ZFC3H1: variants seen among roughly 807,000 people sequenced by gnomAD.
ZFC3H1 encodes zinc finger C3H1-type containing.
Under a neutral mutation model 243.7 loss-of-function variants are expected in ZFC3H1, and 71 were observed. The ratio of observed to expected loss-of-function variants is 0.29; its 90% CI spans 0.24 to 0.36. The LOEUF is 0.36. Ranked by LOEUF, ZFC3H1 falls within the 10% of genes least tolerant of loss-of-function variation. The pLI is 1.00. For missense variants in ZFC3H1, 1,966 were observed against 2,317.1 expected, an observed-to-expected ratio of 0.85 and a Z score of 3.11; for synonymous variants, 838 against 813.0, an observed-to-expected ratio of 1.03 and a Z score of -0.52.
intron 2 of ZFC3H1, among the ~76,000 whole-genome samples, chr12:71,654,442 A>AAC (rs752820312): frequency 3.3e-5 from 5 of 152,084 alleles, no homozygotes; most frequent in African/African-American, 4.8e-5. Context: ...TCTTATCTAA[A>AAC]ACACACACAC....
chr12:71,615,455 G>A (rs1355839880), intron 27 of ZFC3H1, 139 bp from the exon 28 acceptor site: 12 of 626,992 alleles, frequency 1.9e-5, no homozygotes, highest in Non-Finnish European at 3.3e-5. Flanking sequence ...TCTTTTCATA[G>A]GTATACCATA....
intron 21 of ZFC3H1, 43 bp downstream of exon 21, chr12:71,627,708 A>G (rs756842716): frequency 2.6e-6 from 4 of 1,547,670 alleles, no homozygotes; most frequent in Admixed American, 4.1e-5. Flanking sequence ...ACATAAAAAT[A>G]TAAATGTGCA....
chr12:71,632,835 C>A (rs369277873), intron 14 of ZFC3H1, 51 bp downstream of exon 14: 810 of 1,595,022 alleles, frequency 5.1e-4, no homozygotes, highest in Non-Finnish European at 6.7e-4. Context: ...TTAAAACTAT[C>A]ATAAAAACTT....
chr12:71,637,574 G>A (rs1056231740), intron 7 of ZFC3H1, among the ~76,000 whole-genome samples: 3 of 152,122 alleles, frequency 2.0e-5, no homozygotes, highest in African/African-American at 7.2e-5. Context: ...ATCTATAAAG[G>A]AAACTAATTT....
intron 12 of ZFC3H1, 120 bp downstream of exon 12, chr12:71,634,035 T>A: frequency 9.9e-7 from 1 of 1,006,234 alleles, no homozygotes; most frequent in Non-Finnish European, 1.4e-6. Flanking sequence ...ACTTCTACAT[T>A]CTACAAAGTT....
intron 23 of ZFC3H1, 126 bp from the exon 24 acceptor site, chr12:71,623,723 T>G: frequency 1.4e-6 from 1 of 691,842 alleles, no homozygotes; most frequent in Non-Finnish European, 2.3e-6. Flanking sequence ...ATTTTAAGTG[T>G]CCTGATACTT....
At chr12:71,644,635 C>G (rs925227339) in intron 4 of ZFC3H1, among the ~76,000 whole-genome samples, 1 of 151,952 alleles carries the variant, frequency 6.6e-6, no homozygotes, top group African/African-American at 2.4e-5. Flanking sequence ...AGCCCAACAC[C>G]GCCAAACCCC....
At position 71,645,779 on chromosome 12, in the gene ZFC3H1, T is replaced by C. The variant is rs1054253257; in HGVS notation, c.1081-704A>G. Among the ~76,000 whole-genome samples the C allele has an allele frequency of 2.0e-5, 3 of 152,228 alleles. No homozygotes were observed. In the East Asian group the frequency reaches 5.8e-4, roughly 29 times the overall value. On this transcript the variant is annotated intron_variant, in intron 3 of 34. Coordinates refer to ENST00000378743, the MANE Select transcript of ZFC3H1 (RefSeq NM_144982.5). The stretch of plus-strand genomic sequence containing the variant: ...AGAACTTTTTTCCAATTGAAATAAC[T>C]TTTGCATTTCACTTTCGAAATAGTT...
At chr12:71,629,292 A>C (rs938914105) in intron 19 of ZFC3H1, among the ~76,000 whole-genome samples, 1 of 151,706 alleles carries the variant, frequency 6.6e-6, no homozygotes, top group Non-Finnish European at 1.5e-5. Context: ...CAGCCTCCCA[A>C]GTAGCTGAGG....
intron 4 of ZFC3H1, among the ~76,000 whole-genome samples, chr12:71,644,606 CAGGAGTT>C (rs1462246034): frequency 6.6e-6 from 1 of 152,026 alleles, no homozygotes; most frequent in East Asian, 1.9e-4. Context: ...CACCTGACGT[CAGGAGTT>C]TGAGACCAGT....
In ZFC3H1 at chr12:71,621,148, C is replaced by T. The variant is rs150463689; in HGVS notation, c.4745-833G>A. Among the ~76,000 whole-genome samples the T allele has an allele frequency of 7.9e-3, 1,208 of 152,198 alleles. 17 individuals are homozygous for T. The highest frequency in any genetic ancestry group is 0.013 in the Non-Finnish European group (883 of 68,014). ...ACTGTTATGCTCTTAAATCTCATTTCCTCAGAAAAAATATCTCATAGCCTC... is the reference window on the plus strand; with the variant it reads ...ACTGTTATGCTCTTAAATCTCATTTTCTCAGAAAAAATATCTCATAGCCTC... On this transcript the variant is annotated intron_variant, in intron 24 of 34. Coordinates refer to ENST00000378743, the MANE Select transcript of ZFC3H1 (RefSeq NM_144982.5).
chr12:71,611,356 AAC>A (rs148473917), intron 32 of ZFC3H1: 76 of 269,532 alleles, frequency 2.8e-4, no homozygotes, highest in Middle Eastern at 2.1e-3. Flanking sequence ...AGAAAAAAAA[AAC>A]AACAACAACA....
chr12:71,613,378 G>C lies in ZFC3H1; in HGVS notation c.5584C>G (p.Arg1862Gly). 6.2e-7 allele frequency: 1 copy of C among 1,609,292 alleles called. No homozygotes were observed. The highest frequency in any genetic ancestry group is 8.5e-7 in the Non-Finnish European group (1 of 1,177,134). The change falls in exon 31 of 35, where the codon CGG (arginine) becomes GGG (glycine). Residue 1862 changes from arginine (R) to glycine (G), a missense_variant. Around this residue, in one of 4 missense-constraint regions of ZFC3H1, gnomAD observed 1,383 missense variants for 1,723.7 expected, o/e 0.80. Coordinates refer to ENST00000378743, the MANE Select transcript of ZFC3H1 (RefSeq NM_144982.5). ...PKTQHSKTLE[R>G]FCSVMPANSG... is the part of the protein sequence containing the mutation. ...TTAGCTGGCATAACTGAACAAAACC[G>C]TTCCAAGGTTTTGGAATGCTGGGTC...
intron 5 of ZFC3H1, among the ~76,000 whole-genome samples, chr12:71,643,836 C>T (rs956899943): frequency 4.6e-5 from 7 of 152,198 alleles, no homozygotes; most frequent in Admixed American, 3.9e-4. Context: ...TAAGTTTTCA[C>T]CACAATTTAG....
chr12:71,622,699 G>A (rs914455498), intron 24 of ZFC3H1, among the ~76,000 whole-genome samples: 6 of 152,080 alleles, frequency 3.9e-5, no homozygotes, highest in Non-Finnish European at 7.4e-5. Context: ...CTGACCTCAG[G>A]CAATCCGCGC....
chr12:71,643,850 T>A (rs531898043), intron 5 of ZFC3H1, among the ~76,000 whole-genome samples: 4 of 152,304 alleles, frequency 2.6e-5, no homozygotes, highest in East Asian at 3.9e-4. Context: ...AATTTAGTAA[T>A]CCTACTTTCA....
Position 71,632,098 on chromosome 12 carries a change from TTCTACA to T in ZFC3H1, c.3228_3233del (p.Val1077_Glu1078del), listed in dbSNP as rs1438726943. The T allele has an allele frequency of 3.1e-6, 5 of 1,611,536 alleles. No homozygotes were observed. The highest frequency in any genetic ancestry group is 4.2e-6 in the Non-Finnish European group (5 of 1,179,292). ...TTAACCCTAGAAAAAGTTCTGGTTT[TTCTACA>T]GTATTTTTATTAAGTTTGTTTATGC... is the stretch of plus-strand genomic sequence containing the variant. On this transcript the variant is annotated inframe_deletion, in exon 15 of 35. Transcript: ENST00000378743.
chr12:71,613,639 GAGAGCCATGGGCAGAACACTGACA>G, intron 30 of ZFC3H1: 1 of 430,906 alleles, frequency 2.3e-6, no homozygotes, highest in South Asian at 3.7e-5. Context: ...GTCTAGTGAT[GAGAGCCATGGGCAGAACACTGACA>G]AGAAGCCAGG....
intron 9 of ZFC3H1, among the ~76,000 whole-genome samples, 169 bp from the exon 10 acceptor site, chr12:71,635,749 A>T (rs1880442985): frequency 6.6e-6 from 1 of 152,222 alleles, no homozygotes; most frequent in Non-Finnish European, 1.5e-5. Context: ...TGACTGAGAC[A>T]TAAAATGTTG....
Sources: allele counts gnomAD v4.1 joint callset (sites outside exome capture counted in the v4.1 genomes callset), GRCh38; gene constraint gnomAD v4.1.1; regional missense constraint gnomAD v4.1.1; transcripts MANE v1.5; gene names NCBI Gene and HGNC (gene_info 2026-07-23, HGNC 2026-07-21).